CEP57L1: variants seen among roughly 807,000 people sequenced by gnomAD.
CEP57L1 encodes the protein centrosomal protein 57 like 1, also known as centrosomal protein CEP57L1.
A neutral mutation model predicts 61.0 loss-of-function variants in CEP57L1; 37 were observed. The ratio of observed to expected loss-of-function variants is 0.61; its 90% confidence interval spans 0.47 to 0.80. The LOEUF (loss-of-function observed/expected upper bound fraction) is 0.80. CEP57L1 is among the 30% of genes least tolerant of loss of function. The pLI is 0.00. For missense variants in CEP57L1, 422 were observed against 524.7 expected, an observed-to-expected ratio of 0.80 and a Z score of 1.91; for synonymous variants, 137 against 162.3, an observed-to-expected ratio of 0.84 and a Z score of 1.19.
intron 1 of CEP57L1, among the ~76,000 whole-genome samples, chr6:109,104,207 G>A (rs1375424170): frequency 2.0e-5 from 3 of 151,892 alleles, no homozygotes; most frequent in East Asian, 3.9e-4. Context: ...GCTTATCTGT[G>A]TTGCTAAATG....
Position 109,172,755 on chromosome 6 carries a change from A to T in CEP57L1, c.*9785A>T, listed in dbSNP as rs1296351375. 6.6e-6 allele frequency among the ~76,000 whole-genome samples: 1 copy of T among 152,164 alleles called. No homozygotes were observed. Among genetic ancestry groups the T allele is most frequent in the Non-Finnish European group, 1.5e-5 (1 of 68,024 alleles). ...CATTAGTTTGATGACTAGTTTTATT[A>T]TGTGAGTGTGATAAAAGGTTACGCT... On this transcript the variant is annotated 3_prime_UTR_variant, in exon 11 of 11. Coordinates refer to ENST00000517392, the MANE Select transcript of CEP57L1 (RefSeq NM_001271852.3).
chr6:109,100,696 GA>G (rs1243017418), intron 1 of CEP57L1, among the ~76,000 whole-genome samples: 18 of 141,334 alleles, frequency 1.3e-4, no homozygotes, highest in East Asian at 2.0e-4. Context: ...AAAAAAAGAA[GA>G]AAGAAAGAAA....
Position 109,140,580 on chromosome 6 carries a change from A to C in CEP57L1, c.-3-4639A>C, listed in dbSNP as rs546244592. ...ATGCCTGGCTAATTTTTGTATTTTT[A>C]AGAGAGACGGGGTTTCACCATGCTG... is the stretch of plus-strand genomic sequence containing the variant. On this transcript the variant is annotated intron_variant, in intron 1 of 10. Transcript: ENST00000517392. The C allele has an allele frequency of 2.0e-5, 3 of 150,896 alleles. No individual in the cohort carries two copies. In the South Asian group the frequency reaches 6.3e-4, roughly 32 times the overall value. The allele number at this position is 150,896 out of a possible 1,614,324, so 9.3% of individuals were successfully genotyped here. A position where few individuals can be genotyped will look rare whatever the true frequency, so the allele number is the denominator to read the frequency against.
intron 1 of CEP57L1, among the ~76,000 whole-genome samples, chr6:109,096,170 T>C (rs561313599): frequency 1.3e-5 from 2 of 152,286 alleles, no homozygotes; most frequent in Admixed American, 6.5e-5. Flanking sequence ...TAAAAAGTTA[T>C]TATTTGAGAA....
At chr6:109,110,039 C>T (rs1258869593) in intron 1 of CEP57L1, among the ~76,000 whole-genome samples, 3 of 152,068 alleles carry the variant, frequency 2.0e-5, no homozygotes, top group African/African-American at 7.2e-5. Flanking sequence ...ATTTATAATC[C>T]TTTGGGTATA....
At chr6:109,142,946 GCTCTCTCTCTCTCTCTCTCTCTCT>G (rs35714375) in intron 1 of CEP57L1, among the ~76,000 whole-genome samples, 1,824 of 55,554 alleles carry the variant, frequency 0.033, 59 homozygotes, top group African/African-American at 0.096. Context: ...TGTCTCTCTT[GCTCTCTCTCTCTCTCTCTCTCTCT>G]CTCTCTCTCT....
rs756476163 is a variant in CEP57L1, at chr6:109,167,811, G to A, written c.*4841G>A. 1.3e-5 allele frequency among the ~76,000 whole-genome samples: 2 copies of A among 152,230 alleles called. No homozygotes were observed. Among genetic ancestry groups the A allele is most frequent in the South Asian group, 2.1e-4 (1 of 4,834 alleles). On this transcript the variant is annotated 3_prime_UTR_variant, in exon 11 of 11. Coordinates refer to ENST00000517392, the MANE Select transcript of CEP57L1 (RefSeq NM_001271852.3). ...CTTTGATACTATGCTAAGAGGAAGA[G>A]GTTTGAGAGCCAAGAGTTCTTTATT...
chr6:109,105,464 C>G (rs1253112650), intron 1 of CEP57L1, among the ~76,000 whole-genome samples: 1 of 152,150 alleles, frequency 6.6e-6, no homozygotes, highest in East Asian at 1.9e-4. Context: ...TAAATGCCCT[C>G]TTTTTCATAT....
rs776322245 is a variant in CEP57L1, at chr6:109,146,956, C to T, written c.340+19C>T. On this transcript the variant is annotated intron_variant, in intron 3 of 10. Transcript: ENST00000517392. ...AAAAAAGGTAAGAAATGCAGTAGTTCTCAGAAACCGGGGGTTACTGGAGTT... is the reference window on the plus strand; with the variant it reads ...AAAAAAGGTAAGAAATGCAGTAGTTTTCAGAAACCGGGGGTTACTGGAGTT... The T allele has an allele frequency of 1.4e-5, 23 of 1,587,686 alleles. No individual in the cohort carries two copies. The South Asian group carries it at 2.6e-4, about 18-fold the overall frequency.
intron 9 of CEP57L1, among the ~76,000 whole-genome samples, chr6:109,160,153 C>CT (rs2114958541): frequency 6.6e-6 from 1 of 152,288 alleles, no homozygotes; most frequent in Admixed American, 6.5e-5. Flanking sequence ...AGATATAACT[C>CT]TTTCTATTAA....
At chr6:109,107,039 T>C (rs973864796) in intron 1 of CEP57L1, among the ~76,000 whole-genome samples, 4 of 152,232 alleles carry the variant, frequency 2.6e-5, no homozygotes, top group Admixed American at 2.6e-4. Flanking sequence ...AAATTTCTTA[T>C]ACGTTTCAAA....
chr6:109,139,862 C>A lies in CEP57L1; in HGVS notation c.-3-5357C>A, dbSNP rs1771153156. Among the ~76,000 whole-genome samples, 10 of 152,102 alleles carry A rather than the reference C, an allele frequency of 6.6e-5. No individual in the cohort carries two copies. The South Asian group carries it at 1.9e-3, about 28-fold the overall frequency. Reference sequence around the variant, plus strand: ...GGCCAGGCTGGTCTCGAACTCTTGACCTCAAATGATCCACCTTCCTCACCC... The same window carrying A: ...GGCCAGGCTGGTCTCGAACTCTTGAACTCAAATGATCCACCTTCCTCACCC... On this transcript the variant is annotated intron_variant, in intron 1 of 10. Transcript: ENST00000517392.
intron 1 of CEP57L1, among the ~76,000 whole-genome samples, chr6:109,121,139 A>G (rs1343022727): frequency 1.3e-5 from 2 of 152,174 alleles, no homozygotes; most frequent in African/African-American, 2.4e-5. Flanking sequence ...AAAACGGGGA[A>G]GTTAGCAGTG....
At chr6:109,130,738 T>A (rs1219581904) in intron 1 of CEP57L1, 1 of 151,728 alleles carries the variant, frequency 6.6e-6, no homozygotes, top group African/African-American at 2.4e-5. Context: ...ATGTTGAGAT[T>A]CAGGTTATGC....
chr6:109,145,423 A>C (rs1476916719), intron 2 of CEP57L1, 42 bp downstream of exon 2: 21 of 1,369,660 alleles, frequency 1.5e-5, no homozygotes, highest in Non-Finnish European at 1.8e-5. Context: ...AAAACATGCT[A>C]TAAAAAACTT....
At position 109,173,576 on chromosome 6, in the gene CEP57L1, C is replaced by T. The variant is rs886204309; in HGVS notation, c.*10606C>T. Among the ~76,000 whole-genome samples the T allele has an allele frequency of 6.7e-6, 1 of 149,990 alleles. No homozygotes were observed. The highest frequency in any genetic ancestry group is 6.6e-5 in the Admixed American group (1 of 15,064). On this transcript the variant is annotated 3_prime_UTR_variant, in exon 11 of 11. Coordinates refer to ENST00000517392, the MANE Select transcript of CEP57L1 (RefSeq NM_001271852.3). ...AGTAGCTGGGACTACAGGTGCATGC[C>T]ACCACACCTGGCTAATTAAAAAAAA...
At chr6:109,104,751 T>G (rs1056981989) in intron 1 of CEP57L1, among the ~76,000 whole-genome samples, 1 of 151,918 alleles carries the variant, frequency 6.6e-6, no homozygotes, top group Admixed American at 6.6e-5. Flanking sequence ...CCCAGCTAAT[T>G]AAAAAATTTT....
At chr6:109,140,195 C>T (rs1020471747) in intron 1 of CEP57L1, among the ~76,000 whole-genome samples, 21 of 150,268 alleles carry the variant, frequency 1.4e-4, no homozygotes, top group African/African-American at 4.9e-4. Flanking sequence ...CGGGTTCAAG[C>T]GATTCTCCTC....
rs1187330613 is a variant in CEP57L1, at chr6:109,170,857, C to T, written c.*7887C>T. ...AAAAAGCATTATTGCCTTCATTTTC[C>T]CTGAAATGAACCAAGCTACCAATTT... On this transcript the variant is annotated 3_prime_UTR_variant, in exon 11 of 11. Coordinates refer to ENST00000517392, the MANE Select transcript of CEP57L1 (RefSeq NM_001271852.3). Among the ~76,000 whole-genome samples the T allele has an allele frequency of 1.3e-5, 2 of 148,968 alleles. No homozygotes were observed. Among genetic ancestry groups the T allele is most frequent in the Non-Finnish European group, 3.0e-5 (2 of 67,094 alleles).
Sources: allele counts gnomAD v4.1 joint callset (sites outside exome capture counted in the v4.1 genomes callset), GRCh38; gene constraint gnomAD v4.1.1; transcripts MANE v1.5; gene names NCBI Gene and HGNC (gene_info 2026-07-23, HGNC 2026-07-21).